Variants in NCF2 observed in about 807,000 individuals in gnomAD.
NCF2 encodes the protein neutrophil cytosolic factor 2, also known as neutrophil cytosol factor 2.
NCF2 carries 45 observed loss-of-function variants against 70.9 expected under a neutral mutation model. The ratio of observed to expected loss-of-function variants is 0.63; its 90% CI spans 0.50 to 0.81. NCF2 has a LOEUF of 0.81. Ranked by LOEUF, NCF2 falls within the 40% of genes least tolerant of loss-of-function variation. The probability of loss-of-function intolerance (pLI) is 0.00; values close to 1 mark genes in which losing one functional copy is unlikely to be tolerated. For missense variants in NCF2, 522 were observed against 631.6 expected (o/e 0.83, Z 1.86); for synonymous variants, 203 against 233.6 (o/e 0.87, Z 1.19).
At chr1:183,561,138 C>T (rs1449330338) in intron 13 of NCF2, among the ~76,000 whole-genome samples, 1 of 152,222 alleles carries the variant, frequency 6.6e-6, no homozygotes, top group Non-Finnish European at 1.5e-5. Flanking sequence ...TGATCTTAGA[C>T]TTCTTCCACA....
At position 183,566,908 on chromosome 1, in the gene NCF2, G is replaced by T. The variant is rs746128644; in HGVS notation, c.924+12C>A. On this transcript the variant is annotated intron_variant, in intron 9 of 14. Transcript: ENST00000367535. ...GTGAGAGGAAATGGGTCAGGCCTTG[G>T]CATCACATTACCTGGGGCTGCTGCT... 3.1e-6 allele frequency: 5 copies of T among 1,613,662 alleles called. No individual in the cohort carries two copies. In the Admixed American group the frequency reaches 8.3e-5, roughly 27 times the overall value.
intron 14 of NCF2, 66 bp downstream of exon 14, chr1:183,560,030 C>T: frequency 1.3e-6 from 2 of 1,515,214 alleles, no homozygotes; most frequent in Non-Finnish European, 1.8e-6. Context: ...ATTTTCTTCT[C>T]TCTGCCCTTG....
At chr1:183,580,128 G>A (rs1672992978) in intron 2 of NCF2, among the ~76,000 whole-genome samples, 1 of 152,190 alleles carries the variant, frequency 6.6e-6, no homozygotes. Flanking sequence ...TAGGGTTGAG[G>A]TAAGTCACAC....
intron 2 of NCF2, among the ~76,000 whole-genome samples, chr1:183,578,082 C>T (rs1672883495): frequency 6.6e-6 from 1 of 152,228 alleles, no homozygotes; most frequent in African/African-American, 2.4e-5. Context: ...CTGCCTGTGT[C>T]CCTGCAGAGT....
intron 2 of NCF2, among the ~76,000 whole-genome samples, chr1:183,582,765 A>G (rs1209380980): frequency 6.6e-6 from 1 of 152,184 alleles, no homozygotes; most frequent in African/African-American, 2.4e-5. Context: ...CCTTATTGTC[A>G]TGCCCTAAGA....
chr1:183,578,348 T>C (rs1019147054), intron 2 of NCF2, among the ~76,000 whole-genome samples: 4 of 151,086 alleles, frequency 2.6e-5, no homozygotes, highest in African/African-American at 7.4e-5. Context: ...CTATATAGTA[T>C]TTCCTCCTTT....
At chr1:183,570,337 C>G (rs1672488037) in intron 6 of NCF2, among the ~76,000 whole-genome samples, 1 of 152,254 alleles carries the variant, frequency 6.6e-6, no homozygotes, top group South Asian at 2.1e-4. Context: ...CCGAAGGAAA[C>G]CCCTGCACAT....
intron 2 of NCF2, among the ~76,000 whole-genome samples, chr1:183,578,582 T>TCTCAAACTCCTGAC (rs1672914656): frequency 6.6e-6 from 1 of 152,186 alleles, no homozygotes; most frequent in East Asian, 1.9e-4. Context: ...GCCAGGCTGG[T>TCTCAAACTCCTGAC]CTCAAACTCC....
At chr1:183,572,055 T>C (rs886802208) in intron 5 of NCF2, among the ~76,000 whole-genome samples, 1 of 152,252 alleles carries the variant, frequency 6.6e-6, no homozygotes, top group Admixed American at 6.5e-5. Flanking sequence ...TCTGCTGCTA[T>C]GCTAGACCCA....
At chr1:183,556,287 G>C (rs1161072342) in intron 14 of NCF2, 57 bp from the exon 15 acceptor site, 23 of 1,452,988 alleles carry the variant, frequency 1.6e-5, no homozygotes, top group Non-Finnish European at 2.1e-5. Context: ...AGATTACCCT[G>C]TCTGGCTATT....
At position 183,563,901 on chromosome 1, in the gene NCF2, T is replaced by G. The variant is rs1672189598; in HGVS notation, c.1026+104A>C. 3 of 1,359,140 alleles carry G rather than the reference T, an allele frequency of 2.2e-6. No individual in the cohort carries two copies. The South Asian group carries it at 3.5e-5, about 16-fold the overall frequency. The allele number at this position is 1,359,140 out of a possible 1,614,324, so 84.2% of individuals were successfully genotyped here. On this transcript the variant is annotated intron_variant, in intron 11 of 14. Transcript: ENST00000367535. The stretch of plus-strand genomic sequence containing the variant: ...TGTAAGGTAGCAACTGGTTCGACCC[T>G]CCCTTTGGGGCTCTTCCTATAATCC...
rs376705802 is a variant in NCF2 at position 183,574,076 on chromosome 1, C to T, written c.501+411G>A. On this transcript the variant is annotated intron_variant, in intron 4 of 14. Coordinates refer to ENST00000367535, the MANE Select transcript of NCF2 (RefSeq NM_000433.4). ...CTGCACTCCAGGCTGGGCAACAGAG[C>T]GAGACTCCATCTCAAAACAAAACAA... Among the ~76,000 whole-genome samples the T allele has an allele frequency of 5.0e-4, 76 of 152,288 alleles. 1 individual carries two copies. The South Asian group carries it at 0.013, about 26-fold the overall frequency.
intron 5 of NCF2, among the ~76,000 whole-genome samples, chr1:183,572,355 T>G (rs1361678937): frequency 6.6e-6 from 1 of 152,136 alleles, no homozygotes. Flanking sequence ...CAGCTAATTT[T>G]GTATTTTTAG....
chr1:183,585,796 T>A (rs1027943719), intron 2 of NCF2, among the ~76,000 whole-genome samples: 2 of 152,090 alleles, frequency 1.3e-5, no homozygotes, highest in Non-Finnish European at 2.9e-5. Context: ...TTGTGCAGGA[T>A]GAGAGGGAGG....
chr1:183,558,600 C>G lies in NCF2; in HGVS notation c.1468+1496G>C, dbSNP rs369027769. On this transcript the variant is annotated intron_variant, in intron 14 of 14. Transcript: ENST00000367535. ...ATTTTTTTTAAGACAGAGTCTCGCT[C>G]TGTCACCCAGGCTGGAGGGCAGTGG... 7.2e-5 allele frequency among the ~76,000 whole-genome samples: 11 copies of G among 151,832 alleles called. No individual in the cohort carries two copies. In the East Asian group the frequency reaches 1.6e-3, roughly 21 times the overall value.
intron 1 of NCF2, 36 bp downstream of exon 1, chr1:183,590,120 C>T (rs1673571291): frequency 5.0e-6 from 8 of 1,613,522 alleles, no homozygotes; most frequent in Non-Finnish European, 6.8e-6. Context: ...ATAACAAATG[C>T]ACAGAGGAGG....
upstream of NCF2, among the ~76,000 whole-genome samples, chr1:183,594,656 C>T (rs375257248): frequency 2.8e-4 from 42 of 152,268 alleles, no homozygotes; most frequent in African/African-American, 9.6e-4. Flanking sequence ...GGTTGGGTAA[C>T]TCAGTTTCAT....
Position 183,560,094 on chromosome 1 carries a change from AC to A in NCF2, c.1468+1del, listed in dbSNP as rs1671973969. ...TTTCTATAGTCTTGGAGTAGCACTT[AC>A]CCTTTGATAACACCAGGATTATATC... is the stretch of plus-strand genomic sequence containing the variant. On this transcript the variant is annotated splice_donor_variant, in intron 14 of 14. Coordinates refer to ENST00000367535, the MANE Select transcript of NCF2 (RefSeq NM_000433.4). LOFTEE classifies it high-confidence loss of function. The A allele has an allele frequency of 5.0e-6, 8 of 1,613,814 alleles. No individual in the cohort carries two copies. The highest frequency in any genetic ancestry group is 6.8e-6 in the Non-Finnish European group (8 of 1,179,884).
chr1:183,577,723 A>G lies in NCF2; in HGVS notation c.258-16T>C, dbSNP rs1672862263. The stretch of plus-strand genomic sequence containing the variant: ...CAAATCATATCTGCAGGACAGAGGG[A>G]GAAAATACAGCAGTCTAGTGGATGG... On this transcript the variant is annotated splice_polypyrimidine_tract_variant and intron_variant, in intron 2 of 14. Coordinates refer to ENST00000367535, the MANE Select transcript of NCF2 (RefSeq NM_000433.4). 2 of 1,529,962 alleles carry G rather than the reference A, an allele frequency of 1.3e-6. No homozygotes were observed. The highest frequency in any genetic ancestry group is 1.7e-5 in the Admixed American group (1 of 59,900). 94.8% of individuals were successfully genotyped at this position (1,529,962 alleles called of 1,614,324 possible).
Sources: gnomAD v4.1 joint callset for allele counts (sites outside exome capture counted in the v4.1 genomes callset) on GRCh38, gnomAD v4.1.1 for gene constraint, MANE v1.5 for transcripts, NCBI Gene and HGNC (gene_info 2026-07-23, HGNC 2026-07-21) for gene names.